Variants in GREM2 observed in about 807,000 individuals in gnomAD.
The protein encoded by GREM2 is gremlin-2.
A neutral mutation model predicts 14.2 loss-of-function variants in GREM2; 11 were observed. The observed-to-expected ratio is 0.78, with a 90% CI of 0.49 to 1.28. The LOEUF (loss-of-function observed/expected upper bound fraction) is 1.28, where lower values mean the gene tolerates loss of function less well. Among genes scored for constraint, GREM2 ranks in the 50% most tolerant of loss-of-function variants. The pLI, the probability that GREM2 is intolerant of heterozygous loss-of-function variation, is 0.00. For synonymous variants in GREM2, 98 were observed against 97.6 expected (o/e 1.00, Z -0.02); for missense variants, 210 against 218.5 (o/e 0.96, Z 0.24).
At chr1:240,610,847 A>C (rs1420152347) in intron 1 of GREM2, among the ~76,000 whole-genome samples, 1 of 152,202 alleles carries the variant, frequency 6.6e-6, no homozygotes, top group East Asian at 1.9e-4. Context: ...TCAGAGCCAC[A>C]TGAATACCAG....
intron 1 of GREM2, among the ~76,000 whole-genome samples, chr1:240,556,872 T>C (rs915466298): frequency 5.3e-5 from 8 of 152,050 alleles, no homozygotes; most frequent in African/African-American, 1.9e-4. Context: ...AATATCTGAT[T>C]AAAAGAATCA....
chr1:240,572,381 T>G (rs982915370), intron 1 of GREM2, among the ~76,000 whole-genome samples: 4 of 152,190 alleles, frequency 2.6e-5, no homozygotes, highest in African/African-American at 9.7e-5. Context: ...TGAAAGTAGT[T>G]GTCATTACTT....
At chr1:240,512,838 A>G (rs888745693) in intron 1 of GREM2, among the ~76,000 whole-genome samples, 8 of 152,288 alleles carry the variant, frequency 5.3e-5, no homozygotes, top group African/African-American at 1.9e-4. Context: ...AATATCCTCT[A>G]TAATCCCAAT....
chr1:240,498,975 G>T lies in GREM2; in HGVS notation c.-1-5499C>A, dbSNP rs116777701. 7.1e-3 allele frequency among the ~76,000 whole-genome samples: 1,078 copies of T among 152,326 alleles called. 12 individuals carry two copies. The highest frequency in any genetic ancestry group is 0.024 in the African/African-American group (1,011 of 41,568). Reference sequence around the variant, plus strand: ...GTGCAAAGAGAGAGGTAGTGGAAGTGCTTTCCTTTTAAGTGAACGCCCTCA... The same window carrying T: ...GTGCAAAGAGAGAGGTAGTGGAAGTTCTTTCCTTTTAAGTGAACGCCCTCA... On this transcript the variant is annotated intron_variant, in intron 1 of 1. Transcript: ENST00000318160.
In GREM2 at chr1:240,543,111, A is replaced by G. The variant is rs1445675305; in HGVS notation, c.-1-49635T>C. 1.3e-5 allele frequency among the ~76,000 whole-genome samples: 2 copies of G among 152,202 alleles called. No individual in the cohort carries two copies. The highest frequency in any genetic ancestry group is 4.8e-5 in the African/African-American group (2 of 41,460). On this transcript the variant is annotated intron_variant, in intron 1 of 1. Coordinates refer to ENST00000318160, the MANE Select transcript of GREM2 (RefSeq NM_022469.4). The surrounding 1 kb of genome is among the most constrained non-coding windows in gnomAD (Gnocchi z 6.4). ...AAAGCATTTCCTCGATCACTCTGTCATGATTATTTGACTATTATTTTACAT... is the reference window on the plus strand; with the variant it reads ...AAAGCATTTCCTCGATCACTCTGTCGTGATTATTTGACTATTATTTTACAT...
At chr1:240,522,209 G>C (rs1157179884) in intron 1 of GREM2, among the ~76,000 whole-genome samples, 1 of 151,082 alleles carries the variant, frequency 6.6e-6, no homozygotes, top group Non-Finnish European at 1.5e-5. Context: ...AAGAGAAAGA[G>C]ACGAAAAAAG....
intron 1 of GREM2, among the ~76,000 whole-genome samples, chr1:240,499,780 G>A (rs552358464): frequency 2.0e-5 from 3 of 152,320 alleles, no homozygotes; most frequent in Admixed American, 2.0e-4. Context: ...GATCTGTTTT[G>A]TAAATAAAGT....
intron 1 of GREM2, among the ~76,000 whole-genome samples, chr1:240,541,471 C>T (rs1430606543): frequency 6.6e-6 from 1 of 152,214 alleles, no homozygotes; most frequent in African/African-American, 2.4e-5. Context: ...CTGTTAACTA[C>T]GTTACATTTT....
At chr1:240,591,600 T>C (rs1679718015) in intron 1 of GREM2, among the ~76,000 whole-genome samples, 1 of 152,228 alleles carries the variant, frequency 6.6e-6, no homozygotes, top group Non-Finnish European at 1.5e-5. Context: ...TCAACTTTTC[T>C]GGCCTTTATT....
chr1:240,526,923 A>T (rs1259231095), intron 1 of GREM2, among the ~76,000 whole-genome samples: 1 of 152,176 alleles, frequency 6.6e-6, no homozygotes, highest in African/African-American at 2.4e-5. Context: ...AACCTCTAGG[A>T]TGGGGTCAGT....
At chr1:240,578,013 C>A (rs923178612) in intron 1 of GREM2, among the ~76,000 whole-genome samples, 2 of 152,088 alleles carry the variant, frequency 1.3e-5, no homozygotes, top group African/African-American at 4.8e-5. Flanking sequence ...GAAGGTGGGT[C>A]GCTGGGCTGT....
chr1:240,581,867 G>T (rs1169369172), intron 1 of GREM2, among the ~76,000 whole-genome samples: 1 of 152,150 alleles, frequency 6.6e-6, no homozygotes, highest in Non-Finnish European at 1.5e-5. Flanking sequence ...GATTTTGGTG[G>T]TTCTCCAAAA....
intron 1 of GREM2, among the ~76,000 whole-genome samples, chr1:240,609,498 T>C (rs946575469): frequency 1.3e-5 from 2 of 151,960 alleles, no homozygotes; most frequent in African/African-American, 4.8e-5. Context: ...GATGGCACCA[T>C]AGGTCTAATT....
At chr1:240,582,570 T>A (rs1480694837) in intron 1 of GREM2, among the ~76,000 whole-genome samples, 1 of 151,932 alleles carries the variant, frequency 6.6e-6, no homozygotes, top group Non-Finnish European at 1.5e-5. Context: ...CCGAGACAGG[T>A]GGATCACCGG....
At chr1:240,564,874 A>T (rs1442423947) in intron 1 of GREM2, among the ~76,000 whole-genome samples, 2 of 152,178 alleles carry the variant, frequency 1.3e-5, no homozygotes. Context: ...AGTTGGAGCT[A>T]CGTTTTCTTT....
At chr1:240,572,862 A>C (rs143434698) in intron 1 of GREM2, among the ~76,000 whole-genome samples, 1 of 152,300 alleles carries the variant, frequency 6.6e-6, no homozygotes, top group African/African-American at 2.4e-5. Context: ...AAAAGGGATG[A>C]TCACTGTGAT....
intron 1 of GREM2, chr1:240,588,511 C>G (rs145583561): frequency 6.6e-6 from 1 of 152,124 alleles, no homozygotes; most frequent in Non-Finnish European, 1.5e-5. Context: ...GCCTTGTCAC[C>G]GTAACATTTT....
intron 1 of GREM2, among the ~76,000 whole-genome samples, chr1:240,601,862 G>A (rs1033317926): frequency 6.8e-6 from 1 of 147,724 alleles, no homozygotes; most frequent in African/African-American, 2.5e-5. Context: ...AGCCAAGGCC[G>A]AGATTGCACC....
chr1:240,513,677 TG>T (rs2103294139), intron 1 of GREM2, among the ~76,000 whole-genome samples: 1 of 151,934 alleles, frequency 6.6e-6, no homozygotes, highest in Non-Finnish European at 1.5e-5. Context: ...ATACGGCAGA[TG>T]GGGACCAGAT....
Sources: gnomAD v4.1 joint callset for allele counts (sites outside exome capture counted in the v4.1 genomes callset) on GRCh38, gnomAD v4.1.1 for gene constraint, Gnocchi (gnomAD v3.1) non-coding constraint, MANE v1.5 for transcripts, NCBI Gene and HGNC (gene_info 2026-07-23, HGNC 2026-07-21) for gene names.